HDAC9: variants seen among roughly 807,000 people sequenced by gnomAD.
HDAC9 encodes MEF-2 interacting transcription repressor (MITR) protein.
A neutral mutation model predicts 139.4 loss-of-function variants in HDAC9; 41 were observed. The observed-to-expected ratio is 0.29, with a 90% confidence interval of 0.23 to 0.38. HDAC9 has a LOEUF of 0.38. Among genes scored for constraint, HDAC9 ranks in the 10% least tolerant of loss-of-function variants. The probability of loss-of-function intolerance (pLI) is 1.00; values close to 1 mark genes in which losing one functional copy is unlikely to be tolerated. For synonymous variants in HDAC9, 517 were observed against 476.2 expected, an observed-to-expected ratio of 1.09 and a Z score of -1.12; for missense variants, 1,147 against 1,297.0, an observed-to-expected ratio of 0.88 and a Z score of 1.78.
At chr7:18,490,524 G>T (rs79716762) in intron 1 of HDAC9, among the ~76,000 whole-genome samples, 2,032 of 152,014 alleles carry the variant, frequency 0.013, 44 homozygotes, top group African/African-American at 0.046. Flanking sequence ...GTAAAATCTT[G>T]CGTCAGATGA....
At chr7:18,145,167 A>C (rs2128113635) in intron 1 of HDAC9, among the ~76,000 whole-genome samples, 1 of 152,378 alleles carries the variant, frequency 6.6e-6, no homozygotes, top group East Asian at 1.9e-4. Flanking sequence ...AACAATTGAT[A>C]TGGACTATAT....
rs537940669 is a variant in HDAC9, at chr7:18,485,560, A to G, written c.-41-10702A>G. Among the ~76,000 whole-genome samples the G allele has an allele frequency of 7.2e-5, 11 of 151,732 alleles. No homozygotes were observed. In the East Asian group the frequency reaches 1.9e-3, roughly 27 times the overall value. On this transcript the variant is annotated intron_variant, in intron 1 of 3. Coordinates refer to the HDAC9 transcript ENST00000413509. The stretch of plus-strand genomic sequence containing the variant: ...TGTTAGTTCGGCAATACAGAACTCA[A>G]TTATCTTAGTTCAGAATACAGAATT...
rs186867604 is a variant in HDAC9, at chr7:18,107,722, G to T, written c.-97+20509G>T. 8.5e-5 allele frequency among the ~76,000 whole-genome samples: 13 copies of T among 152,246 alleles called. No homozygotes were observed. In the East Asian group the frequency reaches 2.5e-3, roughly 29 times the overall value. ...AGTGTTTTCTGTACTTTTTAAAACA[G>T]CTTTTCTTTTTCATGTCAGCAAATT... On this transcript the variant is annotated intron_variant, in intron 1 of 12. Coordinates refer to the HDAC9 transcript ENST00000417496.
At chr7:18,264,586 C>T (rs1795886518) in intron 2 of HDAC9, among the ~76,000 whole-genome samples, 1 of 152,076 alleles carries the variant, frequency 6.6e-6, no homozygotes, top group Non-Finnish European at 1.5e-5. Context: ...TGTTAGCTTG[C>T]TAAAAATGAC....
At chr7:18,180,760 C>T (rs1789358274) in intron 2 of HDAC9, among the ~76,000 whole-genome samples, 1 of 152,134 alleles carries the variant, frequency 6.6e-6, no homozygotes, top group Non-Finnish European at 1.5e-5. Context: ...ACTTGGTGGC[C>T]TAAAACAAAG....
In HDAC9 at chr7:18,348,604, G is replaced by T. The variant is rs1782604383; in HGVS notation, c.-42+58089G>T. ...GATTTCATTATGCAATCACACATCT[G>T]TTGTTCTGAGCTGTGGTTCTTACTG... On this transcript the variant is annotated intron_variant, in intron 1 of 3. Coordinates refer to the HDAC9 transcript ENST00000413509. 2.0e-5 allele frequency among the ~76,000 whole-genome samples: 3 copies of T among 152,096 alleles called. No individual in the cohort carries two copies. In the South Asian group the frequency reaches 6.2e-4, roughly 31 times the overall value.
intron 1 of HDAC9, among the ~76,000 whole-genome samples, chr7:18,133,932 G>GCACACACACACA (rs112343375): frequency 4.8e-5 from 7 of 145,828 alleles, no homozygotes; most frequent in African/African-American, 1.8e-4. Flanking sequence ...ATACACGCGT[G>GCACACACACACA]CACACACACA....
rs139733203 is a variant in HDAC9 at position 18,951,433 on chromosome 7, G to A, written c.2938-2713G>A. ...TGGATGAGAGCTTTAAGTGTCAAGAGGTTGTGTTAAAATTATCTAGTGTAT... is the reference window on the plus strand; with the variant it reads ...TGGATGAGAGCTTTAAGTGTCAAGAAGTTGTGTTAAAATTATCTAGTGTAT... On this transcript the variant is annotated intron_variant, in intron 23 of 25. Transcript: ENST00000686413. Among the ~76,000 whole-genome samples, 376 of 151,934 alleles carry A rather than the reference G, an allele frequency of 2.5e-3. 1 individual carries two copies. The highest frequency in any genetic ancestry group is 8.5e-3 in the African/African-American group (352 of 41,480).
At chr7:18,864,598 A>C (rs748708625) in intron 21 of HDAC9, among the ~76,000 whole-genome samples, 6 of 145,944 alleles carry the variant, frequency 4.1e-5, no homozygotes, top group Non-Finnish European at 8.9e-5. Context: ...CATGTTGAGG[A>C]TTCTTACCAC....
intron 25 of HDAC9, among the ~76,000 whole-genome samples, chr7:18,980,297 A>T (rs1301637909): frequency 6.6e-6 from 1 of 152,200 alleles, no homozygotes; most frequent in African/African-American, 2.4e-5. Context: ...AAAGAAACAA[A>T]ATTGAATAGA....
chr7:18,410,854 A>G (rs1022494201), intron 1 of HDAC9, among the ~76,000 whole-genome samples: 18 of 152,336 alleles, frequency 1.2e-4, no homozygotes, highest in Admixed American at 1.0e-3. Flanking sequence ...ATCAAGTCTT[A>G]TGATTAATAT....
intron 1 of HDAC9, among the ~76,000 whole-genome samples, chr7:18,120,178 C>T (rs963259274): frequency 9.2e-5 from 14 of 152,104 alleles, no homozygotes; most frequent in African/African-American, 2.9e-4. Context: ...GACATCACAA[C>T]AGAAGGGAGG....
At chr7:18,823,508 G>A (rs1014918037) in intron 17 of HDAC9, among the ~76,000 whole-genome samples, 25 of 152,162 alleles carry the variant, frequency 1.6e-4, no homozygotes, top group African/African-American at 5.8e-4. Flanking sequence ...TTTACCATGG[G>A]AGTATGTTGG....
intron 2 of HDAC9, among the ~76,000 whole-genome samples, chr7:18,531,786 T>TA (rs1194581407): frequency 6.6e-6 from 1 of 152,122 alleles, no homozygotes; most frequent in Admixed American, 6.5e-5. Context: ...ACCACACTTC[T>TA]ACTGTTGGAG....
intron 1 of HDAC9, among the ~76,000 whole-genome samples, chr7:18,326,951 C>T (rs1019411595): frequency 6.6e-6 from 1 of 151,828 alleles, no homozygotes; most frequent in Non-Finnish European, 1.5e-5. Context: ...GTCATTTCAT[C>T]ATTATGATTT....
chr7:18,715,242 G>C (rs1333534735), intron 12 of HDAC9, among the ~76,000 whole-genome samples: 1 of 144,810 alleles, frequency 6.9e-6, no homozygotes, highest in Admixed American at 6.9e-5. Flanking sequence ...AGGGGAAAGT[G>C]TTTTTTTTTT....
At chr7:18,127,230 C>CT (rs1784726193) in intron 1 of HDAC9, 1 of 169,320 alleles carries the variant, frequency 5.9e-6, no homozygotes, top group Non-Finnish European at 1.5e-5. Flanking sequence ...TCAACAAATA[C>CT]TTTTTTAGCA....
At chr7:18,536,668 G>A (rs1344048148) in intron 2 of HDAC9, among the ~76,000 whole-genome samples, 1 of 152,092 alleles carries the variant, frequency 6.6e-6, no homozygotes, top group East Asian at 1.9e-4. Context: ...CACCCTGAAT[G>A]ATTCATCTGA....
At chr7:18,230,481 T>A (rs1209422857) in intron 2 of HDAC9, among the ~76,000 whole-genome samples, 1 of 152,326 alleles carries the variant, frequency 6.6e-6, no homozygotes, top group African/African-American at 2.4e-5. Flanking sequence ...AAAATTCACA[T>A]GATAAATTCC....
Sources: allele counts gnomAD v4.1 joint callset (sites outside exome capture counted in the v4.1 genomes callset), GRCh38; gene constraint gnomAD v4.1.1; transcripts MANE v1.5; gene names NCBI Gene and HGNC (gene_info 2026-07-23, HGNC 2026-07-21).